The following RSU1 variants were observed in gnomAD, a reference collection of about 807,000 sequenced individuals.
RSU1 encodes the protein rsu-1.
RSU1 carries 26 observed loss-of-function variants against 31.1 expected under a neutral mutation model. The ratio of observed to expected loss-of-function variants is 0.84; its 90% CI spans 0.61 to 1.16. The LOEUF is 1.16. Among genes scored for constraint, RSU1 ranks in the 50% most tolerant of loss-of-function variants. The pLI is 0.00. For synonymous variants in RSU1, 164 were observed against 136.3 expected, an observed-to-expected ratio of 1.20 and a Z score of -1.41; for missense variants, 320 against 339.1, an observed-to-expected ratio of 0.94 and a Z score of 0.44.
chr10:16,767,203 C>G (rs1837331199), intron 3 of RSU1: 1 of 152,112 alleles, frequency 6.6e-6, no homozygotes, highest in Admixed American at 6.5e-5. Flanking sequence ...GCACATTCAT[C>G]TGATTAGTTT....
intron 8 of RSU1, among the ~76,000 whole-genome samples, chr10:16,602,019 T>C (rs528047592): frequency 6.6e-6 from 1 of 152,318 alleles, no homozygotes; most frequent in African/African-American, 2.4e-5. Context: ...AGATAAGCCT[T>C]TCCTGACAGC....
chr10:16,729,145 T>C (rs1382019504), intron 7 of RSU1, among the ~76,000 whole-genome samples: 1 of 152,216 alleles, frequency 6.6e-6, no homozygotes, highest in Admixed American at 6.5e-5. Context: ...TCATAAAGCA[T>C]CTATGGAAGC....
intron 3 of RSU1, among the ~76,000 whole-genome samples, chr10:16,778,765 A>T (rs1362364846): frequency 6.6e-6 from 1 of 152,032 alleles, no homozygotes; most frequent in African/African-American, 2.4e-5. Flanking sequence ...ACAGAAGATG[A>T]TCCATCTTCC....
In RSU1 at chr10:16,702,750, T is replaced by C. The variant is rs11254161; in HGVS notation, c.599-7595A>G. ...ACCAGCCTTGTCTGAGGTGAGACTT[T>C]GGACTTTTGAGTTAATGCTGGAATG... On this transcript the variant is annotated intron_variant, in intron 7 of 8. Coordinates refer to ENST00000345264, the MANE Select transcript of RSU1 (RefSeq NM_012425.4). Among the ~76,000 whole-genome samples the C allele has an allele frequency of 8.2e-3, 1,253 of 152,338 alleles. 7 individuals are homozygous for C. The highest frequency in any genetic ancestry group is 0.014 in the Non-Finnish European group (965 of 68,038).
At chr10:16,720,049 C>T (rs1271824432) in intron 7 of RSU1, among the ~76,000 whole-genome samples, 1 of 152,216 alleles carries the variant, frequency 6.6e-6, no homozygotes, top group East Asian at 1.9e-4. Context: ...CACAGTAAGG[C>T]TGGGATTCAA....
intron 8 of RSU1, among the ~76,000 whole-genome samples, chr10:16,636,556 A>T (rs561048410): frequency 1.2e-3 from 188 of 152,182 alleles, no homozygotes; most frequent in Non-Finnish European, 2.3e-3. Context: ...ACCTCCTTGT[A>T]GCAGTGATCA....
Position 16,694,503 on chromosome 10 carries a change from G to C in RSU1, c.731+520C>G, listed in dbSNP as rs75647969. ...CTCAAAAATTCTCTAAAGAAAATCA[G>C]TAAAAATCCCCTTGAAAATATCAAT... is the stretch of plus-strand genomic sequence containing the variant. On this transcript the variant is annotated intron_variant, in intron 8 of 8. Coordinates refer to ENST00000345264, the MANE Select transcript of RSU1 (RefSeq NM_012425.4). 0.011 allele frequency among the ~76,000 whole-genome samples: 1,653 copies of C among 152,208 alleles called. 45 individuals are homozygous for C. In the East Asian group the frequency reaches 0.11, roughly 10 times the overall value.
At chr10:16,642,400 T>C (rs1256923683) in intron 8 of RSU1, among the ~76,000 whole-genome samples, 1 of 152,206 alleles carries the variant, frequency 6.6e-6, no homozygotes, top group African/African-American at 2.4e-5. Flanking sequence ...CACCTTGGAC[T>C]CTGGTTAGCA....
chr10:16,598,075 C>T (rs1372578097), intron 8 of RSU1, among the ~76,000 whole-genome samples: 2 of 152,356 alleles, frequency 1.3e-5, no homozygotes, highest in African/African-American at 4.8e-5. Flanking sequence ...GTGTGGTAGA[C>T]AGAATCACAG....
rs754529788 is a variant in RSU1, at chr10:16,752,479, A to G, written c.598+60T>C. On this transcript the variant is annotated intron_variant, in intron 7 of 8. Transcript: ENST00000345264. Reference sequence around the variant, plus strand: ...AGGACAGAGGTTGTTCAGAATTGCTACATTAGGATAATTGTTATTCATGAA... The same window carrying G: ...AGGACAGAGGTTGTTCAGAATTGCTGCATTAGGATAATTGTTATTCATGAA... The G allele has an allele frequency of 7.3e-6, 9 of 1,238,540 alleles. No homozygotes were observed. The Admixed American group carries it at 1.6e-4, about 21-fold the overall frequency. 76.7% of individuals were successfully genotyped at this position (1,238,540 alleles called of 1,614,324 possible).
intron 8 of RSU1, among the ~76,000 whole-genome samples, chr10:16,683,964 G>C (rs1835388322): frequency 6.6e-6 from 1 of 152,180 alleles, no homozygotes; most frequent in African/African-American, 2.4e-5. Context: ...TAATAGAAAG[G>C]AAATGCTCAG....
chr10:16,686,189 A>AAAACCAGC (rs1218564279), intron 8 of RSU1, among the ~76,000 whole-genome samples: 20 of 152,258 alleles, frequency 1.3e-4, no homozygotes, highest in African/African-American at 3.6e-4. Flanking sequence ...AGTTCAATAA[A>AAAACCAGC]AAACCAGCAT....
At chr10:16,658,012 T>C (rs1417875206) in intron 8 of RSU1, among the ~76,000 whole-genome samples, 1 of 152,052 alleles carries the variant, frequency 6.6e-6, no homozygotes, top group African/African-American at 2.4e-5. Context: ...TAAAAAATTC[T>C]GTAATCCTGT....
intron 7 of RSU1, among the ~76,000 whole-genome samples, chr10:16,732,211 T>C (rs1168895807): frequency 6.6e-6 from 1 of 152,220 alleles, no homozygotes; most frequent in East Asian, 1.9e-4. Context: ...TCATGAAATG[T>C]AATATATACC....
At chr10:16,701,454 G>T (rs1467221868) in intron 7 of RSU1, among the ~76,000 whole-genome samples, 1 of 152,160 alleles carries the variant, frequency 6.6e-6, no homozygotes, top group Non-Finnish European at 1.5e-5. Flanking sequence ...GGAATGCAAG[G>T]CCACACTGTC....
chr10:16,674,550 C>G (rs150723478), intron 8 of RSU1, among the ~76,000 whole-genome samples: 2,652 of 152,036 alleles, frequency 0.017, 70 homozygotes, highest in African/African-American at 0.06. Context: ...GAGCAGTGTA[C>G]AAAACTACGT....
chr10:16,720,034 C>T (rs1422066909), intron 7 of RSU1, among the ~76,000 whole-genome samples: 1 of 152,336 alleles, frequency 6.6e-6, no homozygotes, highest in Admixed American at 6.5e-5. Context: ...GTCACAGGGT[C>T]AATACACAGT....
chr10:16,649,313 A>C (rs1834636807), intron 8 of RSU1, among the ~76,000 whole-genome samples: 1 of 152,224 alleles, frequency 6.6e-6, no homozygotes, highest in Non-Finnish European at 1.5e-5. Flanking sequence ...ATCTTATTTC[A>C]TTATCCAAAC....
intron 2 of RSU1, among the ~76,000 whole-genome samples, chr10:16,812,739 C>T (rs1235955676): frequency 6.6e-6 from 1 of 151,730 alleles, no homozygotes; most frequent in Non-Finnish European, 1.5e-5. Context: ...GCTTGACCAC[C>T]CAGAGAGGGC....
Sources: allele counts gnomAD v4.1 joint callset (sites outside exome capture counted in the v4.1 genomes callset), GRCh38; gene constraint gnomAD v4.1.1; transcripts MANE v1.5; gene names NCBI Gene and HGNC (gene_info 2026-07-23, HGNC 2026-07-21).